IGFBP5: variants seen among roughly 807,000 people sequenced by gnomAD.
The protein encoded by IGFBP5 is insulin like growth factor binding protein 5.
IGFBP5 carries 12 observed loss-of-function variants against 28.0 expected under a neutral mutation model. The ratio of observed to expected loss-of-function variants is 0.43; its 90% confidence interval spans 0.27 to 0.69. The LOEUF is 0.69. Among genes scored for constraint, IGFBP5 ranks in the 30% least tolerant of loss-of-function variants. The probability of loss-of-function intolerance (pLI) is 0.20; values close to 1 mark genes in which losing one functional copy is unlikely to be tolerated. For missense variants in IGFBP5, 344 were observed against 381.6 expected (o/e 0.90, Z 0.82); for synonymous variants, 152 against 150.2 (o/e 1.01, Z -0.09).
In IGFBP5 at chr2:216,678,981, C is replaced by T. The variant is rs150746890; in HGVS notation, c.436G>A (p.Glu146Lys). 1.7e-5 allele frequency: 27 copies of T among 1,614,082 alleles called. No homozygotes were observed. The highest frequency in any genetic ancestry group is 1.2e-4 in the Admixed American group (7 of 60,026). ...TTCTTCACTGCTTCAGCCTTCAGCTCGGAGATGCGGGTGTGTTTGGGCCGG... is the reference window on the plus strand; with the variant it reads ...TTCTTCACTGCTTCAGCCTTCAGCTTGGAGATGCGGGTGTGTTTGGGCCGG... The part of the protein sequence containing the change: ...IFRPKHTRIS[E>K]LKAEAVKKDR... Residue 146 changes from glutamate to lysine, a missense_variant, in exon 2 of 4, where the codon GAG (glutamate) becomes AAG (lysine). Around this residue, in one of 3 missense-constraint regions of IGFBP5, gnomAD observed 304 missense variants for 329.2 expected, o/e 0.92. Transcript: ENST00000233813.
chr2:216,678,276 A>G (rs752796277), intron 2 of IGFBP5, 45 bp from the exon 3 acceptor site: 1 of 1,468,202 alleles, frequency 6.8e-7, no homozygotes, highest in Non-Finnish European at 9.1e-7. Flanking sequence ...CCAAGGGAAA[A>G]CCACCCAGCT....
intron 1 of IGFBP5, among the ~76,000 whole-genome samples, chr2:216,687,179 T>C (rs1689042281): frequency 6.6e-6 from 1 of 152,140 alleles, no homozygotes; most frequent in Admixed American, 6.5e-5. Context: ...TCGACCTTTG[T>C]CTCTGGGGGT....
At chr2:216,683,375 CAAAGA>C (rs1180992397) in intron 1 of IGFBP5, among the ~76,000 whole-genome samples, 3 of 152,076 alleles carry the variant, frequency 2.0e-5, no homozygotes, top group Non-Finnish European at 4.4e-5. Flanking sequence ...GACCCTGTCT[CAAAGA>C]AAAAATAAAT....
intron 1 of IGFBP5, among the ~76,000 whole-genome samples, chr2:216,686,150 C>T (rs945939014): frequency 2.6e-5 from 4 of 152,164 alleles, no homozygotes; most frequent in Non-Finnish European, 5.9e-5. Flanking sequence ...AGCCCCCCTA[C>T]CCCATTTTAG....
rs1003445120 is a variant in IGFBP5 at position 216,676,375 on chromosome 2, T to C, written c.*376A>G. 8 of 174,328 alleles carry C rather than the reference T, an allele frequency of 4.6e-5. No individual in the cohort carries two copies. The highest frequency in any genetic ancestry group is 8.5e-5 in the Non-Finnish European group (7 of 82,714). The allele number at this position is 174,328 out of a possible 1,614,324, so 10.8% of individuals were successfully genotyped here. A position where few individuals can be genotyped will look rare whatever the true frequency, so the allele number is the denominator to read the frequency against. On this transcript the variant is annotated 3_prime_UTR_variant, in exon 4 of 4. Transcript: ENST00000233813. Reference sequence around the variant, plus strand: ...TGGGCCCCTGCCTGGTCTCGGTGCATGTCCTTCCTGCCCACCTGCTTGTCT... The same window carrying C: ...TGGGCCCCTGCCTGGTCTCGGTGCACGTCCTTCCTGCCCACCTGCTTGTCT...
At chr2:216,684,268 T>C (rs761520802) in intron 1 of IGFBP5, among the ~76,000 whole-genome samples, 2 of 152,198 alleles carry the variant, frequency 1.3e-5, no homozygotes, top group Non-Finnish European at 2.9e-5. Context: ...GTCACAGCAA[T>C]GGATGGATCC....
rs778050959 is a variant in IGFBP5 at position 216,676,776 on chromosome 2, G to C, written c.794C>G (p.Thr265Ser). Residue 265 changes from threonine (T) to serine (S), a missense_variant, in exon 4 of 4, where the codon ACC (threonine) becomes AGC (serine). Transcript: ENST00000233813. ...EYVDGDFQCH[T>S]FDSSNVE The stretch of plus-strand genomic sequence containing the variant: ...TCACTCAACGTTGCTGCTGTCGAAG[G>C]TGTGGCACTGAAAGTCCCCGTCAAC... 1.2e-6 allele frequency: 2 copies of C among 1,613,882 alleles called. No individual in the cohort carries two copies. Among genetic ancestry groups the C allele is most frequent in the Non-Finnish European group, 1.7e-6 (2 of 1,179,890 alleles).
intron 2 of IGFBP5, 21 bp from the exon 3 acceptor site, chr2:216,678,252 G>C (rs1688928302): frequency 6.6e-7 from 1 of 1,504,482 alleles, no homozygotes; most frequent in Admixed American, 2.1e-5. Flanking sequence ...AGGAGGGTGA[G>C]AGGCGTGGCG....
At position 216,672,352 on chromosome 2, in the gene IGFBP5, C is replaced by T. The variant is rs77819242; in HGVS notation, c.*4399G>A. On this transcript the variant is annotated 3_prime_UTR_variant, in exon 4 of 4. Transcript: ENST00000233813. Reference sequence around the variant, plus strand: ...TTTTTTTTTTCTCACAAACTGGTTGCATTTGTTGATTTATTTTTCCATCCT... The same window carrying T: ...TTTTTTTTTTCTCACAAACTGGTTGTATTTGTTGATTTATTTTTCCATCCT... 0.058 allele frequency: 5,696 copies of T among 98,342 alleles called. 175 individuals are homozygous for T. The highest frequency in any genetic ancestry group is 0.1 in the African/African-American group (2,629 of 25,148). The allele number at this position is 98,342 out of a possible 1,614,324, so 6.1% of individuals were successfully genotyped here. A position where few individuals can be genotyped will look rare whatever the true frequency, so the allele number is the denominator to read the frequency against.
In IGFBP5 at chr2:216,692,362, CGTGTGTGTGTGTGTGTGTGTGTGTGT is replaced by C. The variant is rs59144401; in HGVS notation, c.337+2051_337+2076del. 7.0e-6 allele frequency among the ~76,000 whole-genome samples: 1 copy of C among 142,436 alleles called. No homozygotes were observed. The highest frequency in any genetic ancestry group is 1.5e-5 in the Non-Finnish European group (1 of 64,942). The allele number at this position is 142,436 out of a possible 152,430, so 93.4% of individuals were successfully genotyped here. ...GGGATCTTGCTTGGGACTGAAGTGT[CGTGTGTGTGTGTGTGTGTGTGTGTGT>C]GTGTGTGTGTGTGTGATGCGCCCTC... On this transcript the variant is annotated intron_variant, in intron 1 of 3. Transcript: ENST00000233813. This position sits in a 1 kb window ranked among gnomAD's most constrained non-coding sequence, Gnocchi z 4.2.
intron 1 of IGFBP5, among the ~76,000 whole-genome samples, chr2:216,691,786 ATATAG>A (rs1298404964): frequency 6.7e-6 from 1 of 149,606 alleles, no homozygotes; most frequent in African/African-American, 2.5e-5. Context: ...AATATATATA[ATATAG>A]TATATACCAT....
chr2:216,678,181 G>A lies in IGFBP5; in HGVS notation c.618C>T (p.Ser206=), dbSNP rs755200745. 3 of 1,595,068 alleles carry A rather than the reference G, an allele frequency of 1.9e-6. No individual in the cohort carries two copies. The highest frequency in any genetic ancestry group is 3.4e-5 in the Admixed American group (2 of 58,494). ...ACACAGCACGGGGCACCATGCGTGG[G>A]CTGGCTTTGAGCTCCTGCAGGGAAG... ...MEASLQELKA[S]PRMVPRAVYL... is the part of the protein sequence containing the mutation. The change falls in exon 3 of 4, where the codon AGC becomes AGT. Residue 206 remains serine, a synonymous_variant. Coordinates refer to ENST00000233813, the MANE Select transcript of IGFBP5 (RefSeq NM_000599.4).
chr2:216,688,252 A>T (rs1320164285), intron 1 of IGFBP5, among the ~76,000 whole-genome samples: 1 of 152,226 alleles, frequency 6.6e-6, no homozygotes, highest in Non-Finnish European at 1.5e-5. Flanking sequence ...AATTTTATGA[A>T]ATCTAAATAC....
At chr2:216,690,879 AG>A (rs1203758135) in intron 1 of IGFBP5, among the ~76,000 whole-genome samples, 201 of 7,596 alleles carry the variant, frequency 0.026, 1 homozygote, top group African/African-American at 0.074. Flanking sequence ...AAGGTGGGGG[AG>A]GGGGGGCGGG....
rs537567284 is a variant in IGFBP5 at position 216,683,190 on chromosome 2, G to A, written c.338-4111C>T. Among the ~76,000 whole-genome samples, 15 of 152,274 alleles carry A rather than the reference G, an allele frequency of 9.9e-5. No individual in the cohort carries two copies. In the East Asian group the frequency reaches 2.3e-3, roughly 24 times the overall value. Reference sequence around the variant, plus strand: ...ACAAAAATTAGCTGGGCATAGAGGCGTGCGCCTCTAGTCTGAGAAACTCAG... The same window carrying A: ...ACAAAAATTAGCTGGGCATAGAGGCATGCGCCTCTAGTCTGAGAAACTCAG... On this transcript the variant is annotated intron_variant, in intron 1 of 3. Transcript: ENST00000233813.
At chr2:216,681,920 TG>T (rs985290031) in intron 1 of IGFBP5, among the ~76,000 whole-genome samples, 2 of 152,216 alleles carry the variant, frequency 1.3e-5, no homozygotes, top group Admixed American at 6.5e-5. Flanking sequence ...TGATAAACCT[TG>T]GGGTAAATTT....
At chr2:216,678,700 ACT>A (rs781242575) in intron 2 of IGFBP5, 148 bp downstream of exon 2, 24 of 642,848 alleles carry the variant, frequency 3.7e-5, no homozygotes, top group Non-Finnish European at 5.4e-5. Context: ...TGCTCTGGAA[ACT>A]CTACTCCCAC....
chr2:216,676,311 C>A lies in IGFBP5; in HGVS notation c.*440G>T. 1 of 161,384 alleles carries A rather than the reference C, an allele frequency of 6.2e-6. No homozygotes were observed. Among genetic ancestry groups the A allele is most frequent in the Non-Finnish European group, 1.3e-5 (1 of 74,318 alleles). The allele number at this position is 161,384 out of a possible 1,614,324, so 10.0% of individuals were successfully genotyped here. On this transcript the variant is annotated 3_prime_UTR_variant, in exon 4 of 4. Transcript: ENST00000233813. ...ATCCTGGGCTGCATCTTCTAGCGCCCACCTCTCCCGACCCCAGGCCAGGGC... is the reference window on the plus strand; with the variant it reads ...ATCCTGGGCTGCATCTTCTAGCGCCAACCTCTCCCGACCCCAGGCCAGGGC...
chr2:216,693,493 G>A (rs1233715355), intron 1 of IGFBP5, among the ~76,000 whole-genome samples: 1 of 151,894 alleles, frequency 6.6e-6, no homozygotes, highest in African/African-American at 2.4e-5. Flanking sequence ...GGTGGAGGTG[G>A]TGGTGGTGCC....
Sources: allele counts gnomAD v4.1 joint callset (sites outside exome capture counted in the v4.1 genomes callset), GRCh38; gene constraint gnomAD v4.1.1; regional missense constraint gnomAD v4.1.1; non-coding constraint Gnocchi (gnomAD v3.1); transcripts MANE v1.5; gene names NCBI Gene and HGNC (gene_info 2026-07-23, HGNC 2026-07-21).